Variants in PRKAR1A observed in about 807,000 individuals in gnomAD.
PRKAR1A encodes protein kinase cAMP-dependent type I regulatory subunit alpha.
A neutral mutation model predicts 52.0 loss-of-function variants in PRKAR1A; 3 were observed. The ratio of observed to expected loss-of-function variants is 0.06; its 90% CI spans 0.03 to 0.15. The LOEUF is 0.15. Among genes scored for constraint, PRKAR1A ranks in the 10% least tolerant of loss-of-function variants. The probability of loss-of-function intolerance (pLI) is 1.00; values close to 1 mark genes in which losing one functional copy is unlikely to be tolerated. For synonymous variants in PRKAR1A, 188 were observed against 168.4 expected (o/e 1.12, Z -0.90); for missense variants, 240 against 477.4 (o/e 0.50, Z 4.63).
chr17:68,464,328 A>G, the PRKAR1A span, among the ~76,000 whole-genome samples: 2,154 of 152,176 alleles, frequency 0.014, 58 homozygotes, highest in African/African-American at 0.05. Context: ...TTCCCTTCCT[A>G]GCATAACTTA....
the PRKAR1A span, among the ~76,000 whole-genome samples, chr17:68,417,957 C>G: frequency 2.6e-5 from 4 of 151,782 alleles, no homozygotes; most frequent in Admixed American, 2.6e-4. Flanking sequence ...GTCTCAAACT[C>G]CTGACCTCAT....
chr17:68,533,421 A>G lies in PRKAR1A; in HGVS notation c.*2972A>G, dbSNP rs2086030780. On this transcript the variant is annotated 3_prime_UTR_variant, in exon 11 of 11. Coordinates refer to ENST00000589228, the MANE Select transcript of PRKAR1A (RefSeq NM_002734.5). ...ACCTTTAGAGTCACAATAAAATGTA[A>G]CTAAAGAAAATTTCTCTGGGTTGAC... The G allele has an allele frequency of 9.5e-7, 1 of 1,056,906 alleles. No homozygotes were observed. Among genetic ancestry groups the G allele is most frequent in the Non-Finnish European group, 1.1e-6 (1 of 873,898 alleles). The allele number at this position is 1,056,906 out of a possible 1,614,324, so 65.5% of individuals were successfully genotyped here.
At chr17:68,540,903 T>C (rs1341004526) in intron 11 of PRKAR1A, 3 of 1,605,138 alleles carry the variant, frequency 1.9e-6, no homozygotes, top group Non-Finnish European at 1.7e-6. Context: ...CGCTGGCTGT[T>C]GTTGTACGGG....
chr17:68,467,820 C>A, the PRKAR1A span, among the ~76,000 whole-genome samples: 20 of 151,864 alleles, frequency 1.3e-4, no homozygotes, highest in Admixed American at 8.5e-4. Flanking sequence ...TGATTGCTTC[C>A]AAACTTAGCT....
At chr17:68,426,022 T>G in the PRKAR1A span, 4 of 1,472,138 alleles carry the variant, frequency 2.7e-6, no homozygotes, top group African/African-American at 4.2e-5. Flanking sequence ...AGGCGAAGGT[T>G]TCCTTCTAAG....
chr17:68,495,488 C>G, the PRKAR1A span, among the ~76,000 whole-genome samples: 1 of 152,216 alleles, frequency 6.6e-6, no homozygotes, highest in Non-Finnish European at 1.5e-5. Flanking sequence ...ACCACCAGCT[C>G]CTCCATCTCC....
chr17:68,521,492 A>G (rs1243961537), intron 2 of PRKAR1A, among the ~76,000 whole-genome samples: 1 of 152,214 alleles, frequency 6.6e-6, no homozygotes, highest in Non-Finnish European at 1.5e-5. Flanking sequence ...CGGCCTCCCA[A>G]AGGGTTGTGA....
chr17:68,519,419 C>T (rs1466352553), intron 2 of PRKAR1A, among the ~76,000 whole-genome samples: 1 of 152,152 alleles, frequency 6.6e-6, no homozygotes, highest in African/African-American at 2.4e-5. Context: ...GGGAAAAGCC[C>T]CTCAAAACTG....
At chr17:68,417,315 G>C in the PRKAR1A span, among the ~76,000 whole-genome samples, 1 of 152,136 alleles carries the variant, frequency 6.6e-6, no homozygotes, top group Non-Finnish European at 1.5e-5. Context: ...GGCAGGCCTT[G>C]TTAAGAAAAC....
the PRKAR1A span, among the ~76,000 whole-genome samples, chr17:68,496,813 T>G: frequency 1.5e-5 from 2 of 131,652 alleles, no homozygotes; most frequent in Non-Finnish European, 1.6e-5. Context: ...TAAGCTTAGT[T>G]TTTACTTTTT....
At chr17:68,449,179 G>A in the PRKAR1A span, among the ~76,000 whole-genome samples, 1 of 152,202 alleles carries the variant, frequency 6.6e-6, no homozygotes, top group East Asian at 1.9e-4. Flanking sequence ...ATACTTAATT[G>A]AATAGATAAA....
intron 11 of PRKAR1A, chr17:68,541,222 C>T (rs2086276378): frequency 8.5e-6 from 4 of 471,884 alleles, no homozygotes; most frequent in African/African-American, 2.0e-5. Flanking sequence ...GAGGCCGGGG[C>T]AGGCAGGAAA....
chr17:68,455,516 G>A, the PRKAR1A span, among the ~76,000 whole-genome samples: 1 of 152,084 alleles, frequency 6.6e-6, no homozygotes, highest in East Asian at 1.9e-4. Flanking sequence ...AAAAGACATG[G>A]CAATACACCT....
the PRKAR1A span, among the ~76,000 whole-genome samples, chr17:68,483,518 G>T: frequency 1.3e-5 from 2 of 152,186 alleles, no homozygotes; most frequent in South Asian, 4.2e-4. Flanking sequence ...AGCACCATTT[G>T]TTGAGGAGGT....
At chr17:68,540,781 A>C (rs1041502715) in intron 11 of PRKAR1A, 37 of 1,544,622 alleles carry the variant, frequency 2.4e-5, no homozygotes, top group Non-Finnish European at 3.2e-5. Flanking sequence ...TTTGTGCTCA[A>C]GGTCACGGGG....
At chr17:68,496,818 CTTTTTTTT>C in the PRKAR1A span, among the ~76,000 whole-genome samples, 1,078 of 91,252 alleles carry the variant, frequency 0.012, 12 homozygotes, top group African/African-American at 0.04. Flanking sequence ...TTAGTTTTTA[CTTTTTTTT>C]TTTTTTTTTT....
the PRKAR1A span, among the ~76,000 whole-genome samples, chr17:68,434,357 G>A: frequency 3.3e-5 from 5 of 152,164 alleles, no homozygotes; most frequent in South Asian, 1.0e-3. Flanking sequence ...GCTGAACTGT[G>A]TTAAAACAGC....
the PRKAR1A span, chr17:68,426,247 A>AGGGGGGGGGGGG: frequency 6.1e-6 from 4 of 655,814 alleles, 1 homozygote; most frequent in South Asian, 5.2e-5. Flanking sequence ...GCGGGTGGGG[A>AGGGGGGGGGGGG]GCGGGGGCTC....
chr17:68,499,368 A>AAGAGGGAG, the PRKAR1A span, among the ~76,000 whole-genome samples: 1 of 140,402 alleles, frequency 7.1e-6, no homozygotes, highest in Admixed American at 7.4e-5. Context: ...AAGGGAGGAA[A>AAGAGGGAG]AGAGAGAGAG....
Sources: allele counts gnomAD v4.1 joint callset (sites outside exome capture counted in the v4.1 genomes callset), GRCh38; gene constraint gnomAD v4.1.1; transcripts MANE v1.5; gene names NCBI Gene and HGNC (gene_info 2026-07-23, HGNC 2026-07-21).